The following IL2RB variants were observed in gnomAD, a reference collection of about 807,000 sequenced individuals.
The protein encoded by IL2RB is interleukin-2 receptor subunit beta.
A neutral mutation model predicts 44.2 loss-of-function variants in IL2RB; 17 were observed. The observed-to-expected ratio is 0.38, with a 90% CI of 0.26 to 0.58. The LOEUF is 0.58. Among genes scored for constraint, IL2RB ranks in the 20% least tolerant of loss-of-function variants. IL2RB has a pLI of 0.63. For synonymous variants in IL2RB, 286 were observed against 297.9 expected, an observed-to-expected ratio of 0.96 and a Z score of 0.41; for missense variants, 624 against 685.5, an observed-to-expected ratio of 0.91 and a Z score of 1.00.
rs1485864666 is a variant in IL2RB, at chr22:37,141,308, G to A, written c.282+1126C>T. ...ACCCACCCTCCCGGGCACAGCTGCA[G>A]CTACCCAAGTTGTGGCTGTGGACCC... On this transcript the variant is annotated intron_variant, in intron 4 of 9. Coordinates refer to ENST00000216223, the MANE Select transcript of IL2RB (RefSeq NM_000878.5). This position sits in a 1 kb window ranked among gnomAD's most constrained non-coding sequence, Gnocchi z 4.4. Among the ~76,000 whole-genome samples, 1 of 152,220 alleles carries A rather than the reference G, an allele frequency of 6.6e-6. No individual in the cohort carries two copies. Among genetic ancestry groups the A allele is most frequent in the African/African-American group, 2.4e-5 (1 of 41,460 alleles).
At chr22:37,164,624 C>T (rs1199982604) in intron 1 of IL2RB, among the ~76,000 whole-genome samples, 1 of 152,058 alleles carries the variant, frequency 6.6e-6, no homozygotes, top group Non-Finnish European at 1.5e-5. Flanking sequence ...CTGTTTCTCT[C>T]TCGCTTGAAA....
intron 1 of IL2RB, among the ~76,000 whole-genome samples, chr22:37,158,942 G>A (rs1471376147): frequency 1.3e-5 from 2 of 152,324 alleles, no homozygotes; most frequent in African/African-American, 2.4e-5. Flanking sequence ...CAGCCACAAC[G>A]CTGGTTGGCA....
At chr22:37,163,539 G>A (rs1353488144) in intron 1 of IL2RB, among the ~76,000 whole-genome samples, 1 of 152,204 alleles carries the variant, frequency 6.6e-6, no homozygotes, top group Non-Finnish European at 1.5e-5. Context: ...GATGATCCCA[G>A]AAGCTCTTCC....
intron 1 of IL2RB, among the ~76,000 whole-genome samples, chr22:37,174,437 A>G (rs1052547077): frequency 6.6e-6 from 1 of 152,202 alleles, no homozygotes; most frequent in Admixed American, 6.5e-5. Flanking sequence ...TATGTGCCCA[A>G]GAGATGGCCA....
upstream of IL2RB, among the ~76,000 whole-genome samples, chr22:37,152,259 A>G (rs1481393369): frequency 6.6e-6 from 1 of 152,136 alleles, no homozygotes; most frequent in African/African-American, 2.4e-5. Flanking sequence ...AACGTTTTAT[A>G]GTTTTCATTA....
chr22:37,163,420 A>G (rs948867900), intron 1 of IL2RB, among the ~76,000 whole-genome samples: 2 of 152,232 alleles, frequency 1.3e-5, no homozygotes, highest in Non-Finnish European at 2.9e-5. Context: ...AAATGCAGGA[A>G]GGTAGATACC....
chr22:37,142,998 G>A (rs1922042535), intron 3 of IL2RB, among the ~76,000 whole-genome samples: 1 of 149,938 alleles, frequency 6.7e-6, no homozygotes, highest in South Asian at 2.1e-4. Flanking sequence ...TCTTCTCCCT[G>A]ACCCCATCAA....
chr22:37,153,962 T>TTCCTCC (rs1229476611), upstream of IL2RB, among the ~76,000 whole-genome samples: 1 of 152,218 alleles, frequency 6.6e-6, no homozygotes, highest in Non-Finnish European at 1.5e-5. Flanking sequence ...AAGACTCTTC[T>TTCCTCC]TCCTCCTCAT....
At chr22:37,150,042 A>G (rs1332029164), upstream of IL2RB, 2 of 288,454 alleles carry the variant, frequency 6.9e-6, no homozygotes, top group African/African-American at 2.3e-5. Flanking sequence ...AAACTCCTCA[A>G]GCACCCAGGG....
Position 37,143,513 on chromosome 22 carries a change from G to T in IL2RB, c.203+8C>A. On this transcript the variant is annotated splice_region_variant and intron_variant, in intron 3 of 9. Coordinates refer to ENST00000216223, the MANE Select transcript of IL2RB (RefSeq NM_000878.5). ...CCTAAGATTCTGCAGTGTGGCCAGT[G>T]GACTCACCGTCTGTCCGGCCAGGCA... is the stretch of plus-strand genomic sequence containing the variant. 6.4e-7 allele frequency: 1 copy of T among 1,572,910 alleles called. No individual in the cohort carries two copies. Among genetic ancestry groups the T allele is most frequent in the Non-Finnish European group, 8.8e-7 (1 of 1,142,510 alleles).
intron 1 of IL2RB, among the ~76,000 whole-genome samples, chr22:37,167,639 C>T (rs1006882741): frequency 2.0e-5 from 3 of 152,244 alleles, no homozygotes; most frequent in Non-Finnish European, 4.4e-5. Context: ...TTTCTCAGGG[C>T]AGCTTTCCCA....
At chr22:37,157,213 G>T (rs893762658) in intron 1 of IL2RB, among the ~76,000 whole-genome samples, 2 of 152,164 alleles carry the variant, frequency 1.3e-5, no homozygotes, top group Non-Finnish European at 2.9e-5. Context: ...CTTCCTGAGG[G>T]CTGTCCTCCG....
chr22:37,158,494 G>T (rs1922754923), intron 1 of IL2RB, among the ~76,000 whole-genome samples: 1 of 152,122 alleles, frequency 6.6e-6, no homozygotes, highest in African/African-American at 2.4e-5. Context: ...GGAGGCAGAG[G>T]TTGCAGTGAG....
chr22:37,138,942 T>C (rs1921830156), intron 5 of IL2RB, 175 bp downstream of exon 5: 9 of 579,412 alleles, frequency 1.6e-5, no homozygotes, highest in Non-Finnish European at 2.5e-5. Context: ...TGAGCGGCCT[T>C]GAATGCCAGA....
At chr22:37,147,087 G>C (rs1357027500) in intron 1 of IL2RB, among the ~76,000 whole-genome samples, 2 of 152,136 alleles carry the variant, frequency 1.3e-5, no homozygotes, top group African/African-American at 4.8e-5. Flanking sequence ...GCCCAGCACA[G>C]AGCTGGGATC....
In IL2RB at chr22:37,128,030, C is replaced by T. The variant is rs969259265; in HGVS notation, c.*66G>A. On this transcript the variant is annotated 3_prime_UTR_variant, in exon 10 of 10. Coordinates refer to ENST00000216223, the MANE Select transcript of IL2RB (RefSeq NM_000878.5). This position sits in a 1 kb window ranked among gnomAD's most constrained non-coding sequence, Gnocchi z 4.5. Reference sequence around the variant, plus strand: ...TCCTCAGCAGTGGACTGAGGACCCTCAACAGGGTCCTTCTGAGGCTCGGCG... The same window carrying T: ...TCCTCAGCAGTGGACTGAGGACCCTTAACAGGGTCCTTCTGAGGCTCGGCG... 2.7e-5 allele frequency: 37 copies of T among 1,350,922 alleles called. No individual in the cohort carries two copies. The African/African-American group carries it at 5.0e-4, about 18-fold the overall frequency. The allele number at this position is 1,350,922 out of a possible 1,614,324, so 83.7% of individuals were successfully genotyped here.
chr22:37,133,195 G>A (rs540788786), intron 8 of IL2RB, among the ~76,000 whole-genome samples: 173 of 152,326 alleles, frequency 1.1e-3, no homozygotes, highest in African/African-American at 3.9e-3. Flanking sequence ...GCGCAAGAAC[G>A]ACAAGGAGGA....
chr22:37,129,787 T>C (rs1569040425), intron 9 of IL2RB, among the ~76,000 whole-genome samples: 1 of 152,158 alleles, frequency 6.6e-6, no homozygotes, highest in Non-Finnish European at 1.5e-5. Flanking sequence ...CTCCTGGTGG[T>C]GTGGCAGGGG....
At chr22:37,139,291 G>C in intron 4 of IL2RB, 69 bp from the exon 5 acceptor site, 1 of 1,013,722 alleles carries the variant, frequency 9.9e-7, no homozygotes. Flanking sequence ...AGGCCACCGG[G>C]ATGACCTGGG....
Sources: allele counts gnomAD v4.1 joint callset (sites outside exome capture counted in the v4.1 genomes callset), GRCh38; gene constraint gnomAD v4.1.1; non-coding constraint Gnocchi (gnomAD v3.1); transcripts MANE v1.5; gene names NCBI Gene and HGNC (gene_info 2026-07-23, HGNC 2026-07-21).